RTKN: variants seen among roughly 807,000 people sequenced by gnomAD.
RTKN encodes the protein rhotekin.
Under a neutral mutation model 63.5 loss-of-function variants are expected in RTKN, and 49 were observed. The observed-to-expected ratio is 0.77, with a 90% CI of 0.61 to 0.98. The LOEUF (loss-of-function observed/expected upper bound fraction) is 0.98, where lower values mean the gene tolerates loss of function less well. RTKN is among the 50% of genes least tolerant of loss of function. RTKN has a pLI of 0.00. For missense variants in RTKN, 685 were observed against 740.8 expected, an observed-to-expected ratio of 0.92 and a Z score of 0.87; for synonymous variants, 295 against 290.4, an observed-to-expected ratio of 1.02 and a Z score of -0.16.
rs1670692639 is a variant in RTKN, at chr2:74,430,616, C to A, written c.373G>T (p.Asp125Tyr). Residue 125 changes from aspartate (D) to tyrosine (Y), a missense_variant and splice_region_variant, in exon 3 of 12, where the codon GAC becomes TAC. Coordinates refer to ENST00000272430, the MANE Select transcript of RTKN (RefSeq NM_001015055.2). ...CAGCTGGGGTAGCTGTGCTTCTTAC[C>A]AGAGATGCAGACCCGGCCGCGGCAG... is the stretch of plus-strand genomic sequence containing the variant. Reference protein sequence around the residue: ...SPCRGRVCISDLRIPLMWKDT... With the variant: ...SPCRGRVCISYLRIPLMWKDT... 3.7e-6 allele frequency: 6 copies of A among 1,614,082 alleles called. No homozygotes were observed. Among genetic ancestry groups the A allele is most frequent in the Non-Finnish European group, 5.1e-6 (6 of 1,180,004 alleles).
intron 8 of RTKN, 86 bp downstream of exon 8, chr2:74,428,545 G>T: frequency 1.3e-6 from 2 of 1,543,450 alleles, no homozygotes; most frequent in Non-Finnish European, 1.8e-6. Flanking sequence ...CCCAAATCTT[G>T]ATTTTTCATT....
At chr2:74,439,591 A>G (rs567293914) in intron 1 of RTKN, 4 of 1,614,128 alleles carry the variant, frequency 2.5e-6, no homozygotes, top group Non-Finnish European at 3.4e-6. Context: ...GAGCATATTC[A>G]GGTCCTCCAG....
intron 1 of RTKN, among the ~76,000 whole-genome samples, chr2:74,433,710 G>C (rs868841013): frequency 5.3e-5 from 8 of 152,210 alleles, no homozygotes; most frequent in African/African-American, 1.9e-4. Context: ...AACCGGGATG[G>C]TCTCGATCTC....
chr2:74,432,442 G>C (rs192758376), intron 2 of RTKN, 25 bp downstream of exon 2: 2 of 1,601,934 alleles, frequency 1.2e-6, no homozygotes, highest in Non-Finnish European at 1.7e-6. Flanking sequence ...TGCCTCCATC[G>C]AGGCCTCGTC....
At chr2:74,429,110 G>C (rs576395797) in intron 6 of RTKN, among the ~76,000 whole-genome samples, 168 bp from the exon 7 acceptor site, 29 of 152,288 alleles carry the variant, frequency 1.9e-4, no homozygotes, top group Non-Finnish European at 3.2e-4. Context: ...TAAGTGTCAG[G>C]ACGTATGCTT....
At position 74,430,673 on chromosome 2, in the gene RTKN, A is replaced by T; in HGVS notation, c.316T>A (p.Ser106Thr). The change falls in exon 3 of 12, where the codon TCT becomes ACT. Residue 106 changes from serine (S) to threonine (T), a missense_variant. Physicochemically the swap from Ser to Thr is moderately conservative, Grantham distance 58 (BLOSUM62 1). Transcript: ENST00000272430. ...CGCTCAGCGGGCGGGCCACTGTCAGAAGGCCTGTGGATAAATCACAATGTC... is the reference window on the plus strand; with the variant it reads ...CGCTCAGCGGGCGGGCCACTGTCAGTAGGCCTGTGGATAAATCACAATGTC... ...QVLGKTSRRP[S>T]DSGPPAERSP... 6 of 1,612,192 alleles carry T rather than the reference A, an allele frequency of 3.7e-6. No homozygotes were observed. Among genetic ancestry groups the T allele is most frequent in the Non-Finnish European group, 4.2e-6 (5 of 1,179,778 alleles).
At position 74,436,269 on chromosome 2, in the gene RTKN, C is replaced by T. The variant is rs1671055646; in HGVS notation, c.112-3603G>A. Among the ~76,000 whole-genome samples the T allele has an allele frequency of 6.6e-6, 1 of 152,278 alleles. No individual in the cohort carries two copies. Among genetic ancestry groups the T allele is most frequent in the Non-Finnish European group, 1.5e-5 (1 of 68,048 alleles). Reference sequence around the variant, plus strand: ...CAGAGAGCTGCACTGGCCTGGGGAGCCGGCTGGGTCCGAGGGCCGCGGGAA... The same window carrying T: ...CAGAGAGCTGCACTGGCCTGGGGAGTCGGCTGGGTCCGAGGGCCGCGGGAA... On this transcript the variant is annotated intron_variant, in intron 1 of 11. Transcript: ENST00000272430. The surrounding 1 kb of genome is among the most constrained non-coding windows in gnomAD (Gnocchi z 4.3).
Position 74,439,136 on chromosome 2 carries a change from C to T in RTKN, c.111+2570G>A, listed in dbSNP as rs190092965. Among the ~76,000 whole-genome samples, 24 of 152,264 alleles carry T rather than the reference C, an allele frequency of 1.6e-4. 1 individual carries two copies. The highest frequency in any genetic ancestry group is 8.3e-4 in the South Asian group (4 of 4,822). On this transcript the variant is annotated intron_variant, in intron 1 of 11. Transcript: ENST00000272430. ...TAAAGAATTGAAAAAAACAAATACA[C>T]GAATAAACAGCACCTTGCTGTCTCA...
chr2:74,429,890 T>C lies in RTKN; in HGVS notation c.693A>G (p.Ala231=), dbSNP rs767710300. 34 of 1,614,042 alleles carry C rather than the reference T, an allele frequency of 2.1e-5. No individual in the cohort carries two copies. The Admixed American group carries it at 5.5e-4, about 26-fold the overall frequency. Residue 231 remains alanine (A), a synonymous_variant, in exon 6 of 12, where the codon GCA becomes GCG. Transcript: ENST00000272430. ...CTGAACCCCCAGCACTGTCCAGCGA[T>C]GCCCGGACACGCCTCCCTGAGGAGC... ...LGRSSGRRVR[A]SLDSAGGSGS...
intron 1 of RTKN, among the ~76,000 whole-genome samples, chr2:74,438,132 C>T (rs1171314188): frequency 6.6e-6 from 1 of 152,150 alleles, no homozygotes; most frequent in Non-Finnish European, 1.5e-5. Flanking sequence ...TGCCTCTGAC[C>T]TCTCAGCAGC....
intron 9 of RTKN, 99 bp from the exon 10 acceptor site, chr2:74,427,691 C>G: frequency 7.5e-7 from 1 of 1,333,868 alleles, no homozygotes; most frequent in Non-Finnish European, 1.0e-6. Context: ...GCTTGTGGGG[C>G]TTTTGCTGAG....
chr2:74,427,002 G>GA, intron 11 of RTKN, 167 bp downstream of exon 11: 1 of 985,170 alleles, frequency 1.0e-6, no homozygotes, highest in Non-Finnish European at 1.2e-6. Flanking sequence ...GTTCTAAAAA[G>GA]AGTTGGAGAG....
rs376449968 is a variant in RTKN at position 74,428,313 on chromosome 2, A to G, written c.1041T>C (p.Asp347=). 1.2e-6 allele frequency: 2 copies of G among 1,614,026 alleles called. No individual in the cohort carries two copies. The highest frequency in any genetic ancestry group is 1.7e-5 in the Admixed American group (1 of 59,998). ...GCAGCGGCTCTTCCCCAGTGTCTGC[A>G]TCCTCAGGTTGCCGGTAACAGAAGA... The part of the protein sequence containing the change: ...TNLFCYRQPE[D]ADTGEEPLLT... Residue 347 remains aspartate, a synonymous_variant, in exon 9 of 12, where the codon GAT becomes GAC. Coordinates refer to ENST00000272430, the MANE Select transcript of RTKN (RefSeq NM_001015055.2).
At chr2:74,437,804 C>T (rs1671138726) in intron 1 of RTKN, among the ~76,000 whole-genome samples, 3 of 152,190 alleles carry the variant, frequency 2.0e-5, no homozygotes. Context: ...CCAACGAGTT[C>T]ACTGGACACC....
At chr2:74,435,646 C>G (rs1198168489) in intron 1 of RTKN, among the ~76,000 whole-genome samples, 1 of 152,186 alleles carries the variant, frequency 6.6e-6, no homozygotes, top group Non-Finnish European at 1.5e-5. Flanking sequence ...AGTTGGAAGA[C>G]TAACTCTATC....
At position 74,441,739 on chromosome 2, in the gene RTKN, G is replaced by A; in HGVS notation, c.78C>T (p.Arg26=). 1 of 1,611,876 alleles carries A rather than the reference G, an allele frequency of 6.2e-7. No homozygotes were observed. Among genetic ancestry groups the A allele is most frequent in the Non-Finnish European group, 8.5e-7 (1 of 1,179,604 alleles). The change falls in exon 1 of 12, where the codon CGC becomes CGT. Residue 26 remains arginine, a synonymous_variant. Transcript: ENST00000272430. ...SALEMEFKRG[R]FRLSLFSDLP... ...GGTCGCTGAAGAGGCTGAGTCGGAA[G>A]CGGCCGCGTTTGAACTCCATCTCCA... is the stretch of plus-strand genomic sequence containing the variant.
In RTKN at chr2:74,429,940, T is replaced by G; in HGVS notation, c.643A>C (p.Thr215Pro). 6.2e-7 allele frequency: 1 copy of G among 1,614,156 alleles called. No individual in the cohort carries two copies. Among genetic ancestry groups the G allele is most frequent in the Non-Finnish European group, 8.5e-7 (1 of 1,180,010 alleles). ...ALTGGPKRLA[T>P]KLSSSLGRSS... ...CGGCCCAGGGAGCTGCTGAGTTTGGTGGCAAGCCTCTTGGGGCCGCCAGTC... is the reference window on the plus strand; with the variant it reads ...CGGCCCAGGGAGCTGCTGAGTTTGGGGGCAAGCCTCTTGGGGCCGCCAGTC... The change falls in exon 6 of 12, where the codon ACC becomes CCC. Residue 215 changes from threonine (T) to proline (P), a missense_variant. Physicochemically the swap from Thr to Pro is conservative, Grantham distance 38. Coordinates refer to ENST00000272430, the MANE Select transcript of RTKN (RefSeq NM_001015055.2).
At chr2:74,434,799 AT>A (rs1319389583) in intron 1 of RTKN, among the ~76,000 whole-genome samples, 2 of 152,232 alleles carry the variant, frequency 1.3e-5, no homozygotes, top group African/African-American at 4.8e-5. Context: ...TTAAAAAAAA[AT>A]GATCAGGCCC....
chr2:74,430,288 G>T lies in RTKN; in HGVS notation c.509C>A (p.Thr170Asn), dbSNP rs1377792828. The T allele has an allele frequency of 6.2e-7, 1 of 1,613,974 alleles. No homozygotes were observed. The highest frequency in any genetic ancestry group is 8.5e-7 in the Non-Finnish European group (1 of 1,179,912). ...GCTCTGAAAGGAGATGTCTGTGAGGGTCCTGTCCACTAGGATCATCTCTGT... is the reference window on the plus strand; with the variant it reads ...GCTCTGAAAGGAGATGTCTGTGAGGTTCCTGTCCACTAGGATCATCTCTGT... ...QDTEMILVDR[T>N]LTDISFQSNV... Residue 170 changes from threonine to asparagine, a missense_variant, in exon 5 of 12, where the codon ACC becomes AAC. By Grantham distance (65) the Thr-to-Asn change is moderately conservative. Coordinates refer to ENST00000272430, the MANE Select transcript of RTKN (RefSeq NM_001015055.2).
Sources: allele counts gnomAD v4.1 joint callset (sites outside exome capture counted in the v4.1 genomes callset), GRCh38; gene constraint gnomAD v4.1.1; non-coding constraint Gnocchi (gnomAD v3.1); transcripts MANE v1.5; gene names NCBI Gene and HGNC (gene_info 2026-07-23, HGNC 2026-07-21).